The following ROBO2 variants were observed in gnomAD, a reference collection of about 807,000 sequenced individuals.
ROBO2 encodes the protein roundabout homolog 2.
A neutral mutation model predicts 160.8 loss-of-function variants in ROBO2; 53 were observed. The ratio of observed to expected loss-of-function variants is 0.33; its 90% CI spans 0.26 to 0.41. ROBO2 has a LOEUF of 0.41. ROBO2 is among the 10% of genes least tolerant of loss of function. The probability of loss-of-function intolerance (pLI) is 1.00; values close to 1 mark genes in which losing one functional copy is unlikely to be tolerated. For synonymous variants in ROBO2, 664 were observed against 611.7 expected, an observed-to-expected ratio of 1.09 and a Z score of -1.26; for missense variants, 1,577 against 1,722.4, an observed-to-expected ratio of 0.92 and a Z score of 1.49.
chr3:76,659,394 A>G (rs1307167987), intron 2 of ROBO2, among the ~76,000 whole-genome samples: 1 of 149,952 alleles, frequency 6.7e-6, no homozygotes, highest in East Asian at 1.9e-4. Context: ...TGTAATATAT[A>G]TAATATTATA....
chr3:76,033,435 A>G (rs2066994490), intron 2 of ROBO2, among the ~76,000 whole-genome samples: 2 of 152,248 alleles, frequency 1.3e-5, no homozygotes, highest in Admixed American at 6.5e-5. Context: ...TGCTGTGCAT[A>G]TAGGGCCTGC....
chr3:77,527,350 CT>C (rs1561080826), intron 6 of ROBO2, 52 bp from the exon 7 acceptor site: 17 of 1,268,128 alleles, frequency 1.3e-5, no homozygotes, highest in East Asian at 1.1e-4. Context: ...ATTTTTCTTT[CT>C]TTTTTTTAAT....
chr3:76,487,640 G>GT (rs1344268313), intron 2 of ROBO2, among the ~76,000 whole-genome samples: 7 of 152,048 alleles, frequency 4.6e-5, no homozygotes, highest in African/African-American at 1.4e-4. Context: ...GTTTACTTAG[G>GT]TTCTCTGTTT....
At chr3:76,334,479 T>G (rs2073729166) in intron 2 of ROBO2, among the ~76,000 whole-genome samples, 1 of 152,138 alleles carries the variant, frequency 6.6e-6, no homozygotes, top group Admixed American at 6.5e-5. Flanking sequence ...CATCTCAAGT[T>G]GAAGAAAACA....
At chr3:76,126,598 A>G (rs2070999658) in intron 2 of ROBO2, among the ~76,000 whole-genome samples, 1 of 152,134 alleles carries the variant, frequency 6.6e-6, no homozygotes, top group East Asian at 1.9e-4. Context: ...ATTTATCAAC[A>G]CATTTATTTA....
chr3:77,235,993 A>G lies in ROBO2; in HGVS notation c.388+137653A>G, dbSNP rs868012402. ...CCAAAAGAGTCAAACTCTGTAAAATATTTGAAGAGATTTATTCTGAGCCAA... is the reference window on the plus strand; with the variant it reads ...CCAAAAGAGTCAAACTCTGTAAAATGTTTGAAGAGATTTATTCTGAGCCAA... On this transcript the variant is annotated intron_variant, in intron 2 of 25. Coordinates refer to ENST00000461745, the Ensembl canonical transcript of ROBO2. 2.6e-5 allele frequency among the ~76,000 whole-genome samples: 4 copies of G among 152,216 alleles called. No homozygotes were observed. The South Asian group carries it at 8.3e-4, about 32-fold the overall frequency.
At chr3:76,343,279 A>G (rs934838894) in intron 2 of ROBO2, among the ~76,000 whole-genome samples, 1 of 152,116 alleles carries the variant, frequency 6.6e-6, no homozygotes, top group South Asian at 2.1e-4. Context: ...ACTGTGTTGT[A>G]AGCATAATTC....
At chr3:77,559,232 T>G (rs758394038) in intron 9 of ROBO2, among the ~76,000 whole-genome samples, 1 of 152,058 alleles carries the variant, frequency 6.6e-6, no homozygotes, top group Non-Finnish European at 1.5e-5. Flanking sequence ...CAATATTATA[T>G]TGGCCAGAAG....
intron 2 of ROBO2, among the ~76,000 whole-genome samples, chr3:77,162,502 G>A (rs1300265327): frequency 6.6e-6 from 1 of 152,090 alleles, no homozygotes; most frequent in African/African-American, 2.4e-5. Flanking sequence ...GTTTCCGTAC[G>A]TAAGATCCAA....
chr3:77,379,195 C>T (rs1386137926), intron 2 of ROBO2, among the ~76,000 whole-genome samples: 1 of 152,200 alleles, frequency 6.6e-6, no homozygotes, highest in African/African-American at 2.4e-5. Context: ...ATCCACCTGC[C>T]TCGGCCTCCC....
intron 2 of ROBO2, among the ~76,000 whole-genome samples, chr3:77,183,460 A>C (rs1367860675): frequency 6.6e-6 from 1 of 152,020 alleles, no homozygotes; most frequent in Non-Finnish European, 1.5e-5. Flanking sequence ...AGACTAATGC[A>C]ACGGGTGCCC....
At chr3:76,695,119 A>G in intron 2 of ROBO2, among the ~76,000 whole-genome samples, 1 of 152,162 alleles carries the variant, frequency 6.6e-6, no homozygotes, top group African/African-American at 2.4e-5. Context: ...ACAAACAAAC[A>G]AAAACACAAA....
chr3:76,262,397 C>A (rs1333095345), intron 2 of ROBO2, among the ~76,000 whole-genome samples: 1 of 151,920 alleles, frequency 6.6e-6, no homozygotes, highest in East Asian at 1.9e-4. Flanking sequence ...CATGCACTGT[C>A]TGCTTTTTCA....
intron 2 of ROBO2, among the ~76,000 whole-genome samples, chr3:76,794,724 T>A (rs575662768): frequency 1.3e-5 from 2 of 152,172 alleles, no homozygotes; most frequent in East Asian, 3.9e-4. Flanking sequence ...CTGGTGTCGA[T>A]CTATTTAAAA....
intron 2 of ROBO2, among the ~76,000 whole-genome samples, chr3:76,133,602 C>G (rs2071315363): frequency 6.6e-6 from 1 of 152,074 alleles, no homozygotes; most frequent in South Asian, 2.1e-4. Context: ...GACAGTGCAG[C>G]CTTCAGTGTG....
chr3:76,159,723 A>G (rs2072547908), intron 2 of ROBO2, among the ~76,000 whole-genome samples: 1 of 152,306 alleles, frequency 6.6e-6, no homozygotes, highest in East Asian at 1.9e-4. Flanking sequence ...AGCTCTATCA[A>G]GTTCAAAACA....
In ROBO2 at chr3:77,219,038, C is replaced by T. The variant is rs376137693; in HGVS notation, c.388+120698C>T. On this transcript the variant is annotated intron_variant, in intron 2 of 25. Coordinates refer to ENST00000461745, the Ensembl canonical transcript of ROBO2. ...GGCTGGATTGCAGTGGTGCAATCTCCGCTCACTGCAACCTTTGCCTTCTGG... is the reference window on the plus strand; with the variant it reads ...GGCTGGATTGCAGTGGTGCAATCTCTGCTCACTGCAACCTTTGCCTTCTGG... Among the ~76,000 whole-genome samples the T allele has an allele frequency of 9.9e-5, 15 of 152,112 alleles. No homozygotes were observed. The South Asian group carries it at 1.9e-3, about 19-fold the overall frequency.
chr3:76,507,369 T>G (rs2080851392), intron 2 of ROBO2, among the ~76,000 whole-genome samples: 1 of 152,088 alleles, frequency 6.6e-6, no homozygotes, highest in Admixed American at 6.6e-5. Flanking sequence ...CTCACTTCTT[T>G]ATGTAATTAC....
intron 2 of ROBO2, among the ~76,000 whole-genome samples, chr3:77,135,966 G>A (rs2076244877): frequency 6.6e-6 from 1 of 152,128 alleles, no homozygotes; most frequent in Non-Finnish European, 1.5e-5. Flanking sequence ...CATGTTGAAT[G>A]TTTGTTTCTA....
Sources: gnomAD v4.1 joint callset for allele counts (sites outside exome capture counted in the v4.1 genomes callset) on GRCh38, gnomAD v4.1.1 for gene constraint, MANE v1.5 for transcripts, NCBI Gene and HGNC (gene_info 2026-07-23, HGNC 2026-07-21) for gene names.